Variants in RNF4 observed in about 807,000 individuals in gnomAD.
RNF4 encodes the protein E3 ubiquitin-protein ligase RNF4.
A neutral mutation model predicts 24.3 loss-of-function variants in RNF4; 7 were observed. The ratio of observed to expected loss-of-function variants is 0.29; its 90% CI spans 0.16 to 0.54. The LOEUF (loss-of-function observed/expected upper bound fraction) is 0.54, where lower values mean the gene tolerates loss of function less well. RNF4 is among the 20% of genes least tolerant of loss of function. The pLI is 0.95. For synonymous variants in RNF4, 83 were observed against 84.3 expected, an observed-to-expected ratio of 0.98 and a Z score of 0.09; for missense variants, 209 against 248.5, an observed-to-expected ratio of 0.84 and a Z score of 1.07.
At chr4:2,476,543 C>A (rs1409502974) in intron 1 of RNF4, among the ~76,000 whole-genome samples, 1 of 152,082 alleles carries the variant, frequency 6.6e-6, no homozygotes, top group African/African-American at 2.4e-5. Context: ...CAGGCATGTG[C>A]CACCACGGCT....
intron 4 of RNF4, chr4:2,505,485 C>A (rs1329695185): frequency 5.9e-5 from 9 of 151,490 alleles, no homozygotes; most frequent in African/African-American, 2.2e-4. Context: ...GCCACCACAC[C>A]CGGCTAATTT....
intron 2 of RNF4, among the ~76,000 whole-genome samples, chr4:2,494,355 T>C (rs571292327): frequency 6.6e-6 from 1 of 150,536 alleles, no homozygotes; most frequent in African/African-American, 2.4e-5. Context: ...TTTGTCCCAA[T>C]TGGCTAGCAA....
At chr4:2,477,898 T>A (rs769598637) in intron 1 of RNF4, among the ~76,000 whole-genome samples, 1 of 152,060 alleles carries the variant, frequency 6.6e-6, no homozygotes, top group Non-Finnish European at 1.5e-5. Context: ...CAGGCAGGGA[T>A]TGGAACAGTT....
chr4:2,477,972 A>G (rs772796271), intron 1 of RNF4, among the ~76,000 whole-genome samples: 5 of 152,192 alleles, frequency 3.3e-5, no homozygotes, highest in African/African-American at 7.2e-5. Context: ...GACTTGTTGA[A>G]TGGCTTTGAC....
chr4:2,478,995 G>T (rs1323794429), intron 1 of RNF4, among the ~76,000 whole-genome samples: 1 of 152,230 alleles, frequency 6.6e-6, no homozygotes, highest in Non-Finnish European at 1.5e-5. Flanking sequence ...AAGCCACAGG[G>T]GTGGAGCTGC....
At chr4:2,483,557 A>G (rs1244110218) in intron 1 of RNF4, among the ~76,000 whole-genome samples, 1 of 152,182 alleles carries the variant, frequency 6.6e-6, no homozygotes, top group Non-Finnish European at 1.5e-5. Flanking sequence ...TAATCCCAGC[A>G]CTTTGGGAAG....
rs1275253882 is a variant in RNF4 at position 2,511,959 on chromosome 4, G to A, written c.208G>A (p.Val70Ile). The A allele has an allele frequency of 6.2e-7, 1 of 1,607,124 alleles. No homozygotes were observed. The highest frequency in any genetic ancestry group is 8.5e-7 in the Non-Finnish European group (1 of 1,176,744). The change falls in exon 5 of 8, where the codon GTT becomes ATT. Residue 70 changes from valine (V) to isoleucine (I), a missense_variant. Transcript: ENST00000314289. ...DLTHNDSVVI[V>I]DERRRPRRNA... ...TTTTTCTCCTTCTGTTTACAAGATT[G>A]TTGACGGTGAGTGGTTTCGTTTCCT...
At chr4:2,485,674 C>T (rs1047091557) in intron 1 of RNF4, among the ~76,000 whole-genome samples, 1 of 152,182 alleles carries the variant, frequency 6.6e-6, no homozygotes, top group Non-Finnish European at 1.5e-5. Flanking sequence ...GGAATGACCA[C>T]TTCTCTACCC....
At chr4:2,476,417 C>T (rs1025036022) in intron 1 of RNF4, among the ~76,000 whole-genome samples, 8 of 152,072 alleles carry the variant, frequency 5.3e-5, no homozygotes, top group Non-Finnish European at 1.0e-4. Context: ...TTTTTTGAGA[C>T]GGAGTCTTGC....
At chr4:2,474,294 C>T (rs1735001118) in intron 1 of RNF4, among the ~76,000 whole-genome samples, 1 of 151,292 alleles carries the variant, frequency 6.6e-6, no homozygotes, top group African/African-American at 2.4e-5. Flanking sequence ...AGGAGAATCG[C>T]TTGAACCCAG....
At chr4:2,478,544 C>T (rs1070968) in intron 1 of RNF4, among the ~76,000 whole-genome samples, 6,120 of 152,316 alleles carry the variant, frequency 0.04, 212 homozygotes, top group East Asian at 0.18. Context: ...GCGTTCCAGC[C>T]GTCTCAGCTG....
chr4:2,493,498 C>A (rs1236701639), intron 2 of RNF4, among the ~76,000 whole-genome samples: 2 of 152,002 alleles, frequency 1.3e-5, no homozygotes, highest in Admixed American at 1.3e-4. Flanking sequence ...AAGACTTGGT[C>A]TGCTACAGGC....
At chr4:2,506,556 TTTCTTC>T (rs954411872) in intron 4 of RNF4, among the ~76,000 whole-genome samples, 2 of 151,766 alleles carry the variant, frequency 1.3e-5, no homozygotes, top group African/African-American at 4.8e-5. Flanking sequence ...ATTTGTTTTT[TTTCTTC>T]TTCTTCTTCT....
rs1736290572 is a variant in RNF4, at chr4:2,512,290, T to C, written c.215-148T>C. 1 of 978,554 alleles carries C rather than the reference T, an allele frequency of 1.0e-6. No homozygotes were observed. The highest frequency in any genetic ancestry group is 1.6e-6 in the Non-Finnish European group (1 of 640,908). 60.6% of individuals were successfully genotyped at this position (978,554 alleles called of 1,614,324 possible). On this transcript the variant is annotated intron_variant, in intron 5 of 7. Coordinates refer to ENST00000314289, the MANE Select transcript of RNF4 (RefSeq NM_002938.5). The surrounding 1 kb of genome is among the most constrained non-coding windows in gnomAD (Gnocchi z 4.1). ...GTGGCCTCCAGAGCTGGGCAGAACCTTCTGGGTTATAGCTGAGCATGGCAG... is the reference window on the plus strand; with the variant it reads ...GTGGCCTCCAGAGCTGGGCAGAACCCTCTGGGTTATAGCTGAGCATGGCAG...
chr4:2,471,304 G>A (rs1734901594), intron 1 of RNF4, among the ~76,000 whole-genome samples: 1 of 152,152 alleles, frequency 6.6e-6, no homozygotes, highest in African/African-American at 2.4e-5. Context: ...ATAGTGACCT[G>A]TGATCAATGT....
chr4:2,491,747 T>G (rs1325452500), intron 2 of RNF4, among the ~76,000 whole-genome samples: 1 of 152,018 alleles, frequency 6.6e-6, no homozygotes, highest in African/African-American at 2.4e-5. Context: ...TTTATTTGTT[T>G]TTAAGAGACA....
At chr4:2,483,827 T>G (rs1399206595) in intron 1 of RNF4, among the ~76,000 whole-genome samples, 1 of 151,924 alleles carries the variant, frequency 6.6e-6, no homozygotes, top group Non-Finnish European at 1.5e-5. Flanking sequence ...TTGTTTTTAT[T>G]GATTTTTATT....
intron 2 of RNF4, among the ~76,000 whole-genome samples, chr4:2,493,351 G>A (rs1049332834): frequency 1.3e-5 from 2 of 152,020 alleles, no homozygotes; most frequent in African/African-American, 4.8e-5. Flanking sequence ...GAGGGGTGGG[G>A]ACATTCCTGT....
At position 2,512,997 on chromosome 4, in the gene RNF4, G is replaced by A. The variant is rs1736310754; in HGVS notation, c.375-86G>A. ...TCAGGAGGCCAGGGACGGGACTCTT[G>A]TAGGGGATAGGGGCCACTCACGTGA... On this transcript the variant is annotated intron_variant, in intron 6 of 7. Coordinates refer to ENST00000314289, the MANE Select transcript of RNF4 (RefSeq NM_002938.5). This position sits in a 1 kb window ranked among gnomAD's most constrained non-coding sequence, Gnocchi z 4.1. 6 of 1,321,850 alleles carry A rather than the reference G, an allele frequency of 4.5e-6. No individual in the cohort carries two copies. In the South Asian group the frequency reaches 5.9e-5, roughly 13 times the overall value. The allele number at this position is 1,321,850 out of a possible 1,614,324, so 81.9% of individuals were successfully genotyped here.
Sources: allele counts gnomAD v4.1 joint callset (sites outside exome capture counted in the v4.1 genomes callset), GRCh38; gene constraint gnomAD v4.1.1; non-coding constraint Gnocchi (gnomAD v3.1); transcripts MANE v1.5; gene names NCBI Gene and HGNC (gene_info 2026-07-23, HGNC 2026-07-21).